Variants in PID1 observed in about 807,000 individuals in gnomAD.
PID1 encodes the protein PTB-containing, cubilin and LRP1-interacting protein.
In PID1, 10 loss-of-function variants were observed where a neutral mutation model predicts 19.1. The observed-to-expected ratio is 0.52, with a 90% CI of 0.32 to 0.89. The LOEUF is 0.89. Among genes scored for constraint, PID1 ranks in the 40% least tolerant of loss-of-function variants. The pLI, the probability that PID1 is intolerant of heterozygous loss-of-function variation, is 0.03. For synonymous variants in PID1, 130 were observed against 116.0 expected (o/e 1.12, Z -0.78); for missense variants, 248 against 285.3 (o/e 0.87, Z 0.94).
In PID1 at chr2:229,230,627, G is replaced by A. The variant is rs543965112; in HGVS notation, c.30+40387C>T. Among the ~76,000 whole-genome samples the A allele has an allele frequency of 3.9e-5, 6 of 152,310 alleles. No individual in the cohort carries two copies. The South Asian group carries it at 1.2e-3, about 32-fold the overall frequency. ...CCTAATGGGATTTAAATCAAAAGAG[G>A]AATTTACTGCCGCCTTTGGGTCTTT... is the stretch of plus-strand genomic sequence containing the variant. On this transcript the variant is annotated intron_variant, in intron 1 of 2. Transcript: ENST00000392055.
At chr2:229,230,917 T>C (rs184585656) in intron 1 of PID1, among the ~76,000 whole-genome samples, 15 of 152,328 alleles carry the variant, frequency 9.8e-5, no homozygotes, top group Non-Finnish European at 1.9e-4. Context: ...TGTTTCTTTA[T>C]TTAACACTAA....
At chr2:229,161,159 C>A (rs370058968) in intron 1 of PID1, among the ~76,000 whole-genome samples, 2 of 152,184 alleles carry the variant, frequency 1.3e-5, no homozygotes, top group Non-Finnish European at 1.5e-5. Flanking sequence ...ACTGGCTGAA[C>A]AGAATGTCCT....
At chr2:229,228,758 AGTT>A (rs1692138463) in intron 1 of PID1, among the ~76,000 whole-genome samples, 1 of 152,162 alleles carries the variant, frequency 6.6e-6, no homozygotes, top group African/African-American at 2.4e-5. Context: ...CCATGTCGGT[AGTT>A]GTTTTCCTGA....
chr2:229,051,763 T>C (rs894170095), intron 2 of PID1, among the ~76,000 whole-genome samples: 1 of 152,216 alleles, frequency 6.6e-6, no homozygotes, highest in Non-Finnish European at 1.5e-5. Context: ...GTCTGCCTCA[T>C]TGTAAAGTCT....
chr2:229,251,790 T>C (rs1354525630), intron 1 of PID1, among the ~76,000 whole-genome samples: 1 of 151,924 alleles, frequency 6.6e-6, no homozygotes. Flanking sequence ...AGTTCTGAGG[T>C]AGACATTCAG....
chr2:229,238,531 T>C (rs149941689), intron 1 of PID1, among the ~76,000 whole-genome samples: 283 of 152,232 alleles, frequency 1.9e-3, no homozygotes, highest in African/African-American at 6.1e-3. Flanking sequence ...CCATAAACAT[T>C]TGTTTGCCTT....
At chr2:229,217,067 G>C (rs541570705) in intron 1 of PID1, among the ~76,000 whole-genome samples, 1 of 152,244 alleles carries the variant, frequency 6.6e-6, no homozygotes, top group African/African-American at 2.4e-5. Flanking sequence ...CACATTCAAG[G>C]CTGCTGGAAT....
chr2:229,098,652 T>C (rs1695018343), intron 2 of PID1, among the ~76,000 whole-genome samples: 1 of 152,190 alleles, frequency 6.6e-6, no homozygotes, highest in South Asian at 2.1e-4. Flanking sequence ...GTGCTGTTCC[T>C]TTCTCAACCC....
chr2:229,235,680 G>A (rs1692309279), intron 1 of PID1, among the ~76,000 whole-genome samples: 1 of 152,176 alleles, frequency 6.6e-6, no homozygotes, highest in South Asian at 2.1e-4. Context: ...AGCAAGGAAA[G>A]GGTGAGCTCA....
chr2:229,078,710 T>C (rs1694611767), intron 2 of PID1, among the ~76,000 whole-genome samples: 1 of 152,290 alleles, frequency 6.6e-6, no homozygotes, highest in Admixed American at 6.5e-5. Flanking sequence ...TTGATTTGCT[T>C]TCTTGTTTTT....
intron 2 of PID1, among the ~76,000 whole-genome samples, chr2:229,064,826 G>C (rs910458388): frequency 6.6e-6 from 1 of 152,086 alleles, no homozygotes; most frequent in African/African-American, 2.4e-5. Flanking sequence ...AAGGAGAAAT[G>C]AAACCTACTT....
At chr2:229,134,687 T>C (rs930497314) in intron 2 of PID1, among the ~76,000 whole-genome samples, 2 of 151,732 alleles carry the variant, frequency 1.3e-5, no homozygotes, top group African/African-American at 2.4e-5. Flanking sequence ...TATCACCTTA[T>C]TTTTTTTTGG....
At chr2:229,049,571 T>G (rs1693949285) in intron 2 of PID1, among the ~76,000 whole-genome samples, 1 of 152,180 alleles carries the variant, frequency 6.6e-6, no homozygotes, top group Admixed American at 6.6e-5. Context: ...CCAACTTGCA[T>G]GTCACCTAGT....
chr2:229,206,365 T>G (rs1691609477), intron 1 of PID1, among the ~76,000 whole-genome samples: 1 of 151,844 alleles, frequency 6.6e-6, no homozygotes, highest in Non-Finnish European at 1.5e-5. Flanking sequence ...CCAAGAGTTA[T>G]CAGGAAAGGG....
chr2:229,251,926 GC>G (rs1690161473), intron 1 of PID1, among the ~76,000 whole-genome samples: 2 of 107,372 alleles, frequency 1.9e-5, no homozygotes, highest in African/African-American at 3.7e-5. Context: ...CAAAGATAAT[GC>G]CCTCTTAACC....
chr2:229,249,803 C>A (rs925512187), intron 1 of PID1, among the ~76,000 whole-genome samples: 4 of 150,198 alleles, frequency 2.7e-5, no homozygotes, highest in Non-Finnish European at 5.9e-5. Flanking sequence ...GAGTATGATC[C>A]CCTGGGCAGG....
chr2:229,221,271 G>A (rs1691964375), intron 1 of PID1, among the ~76,000 whole-genome samples: 1 of 152,130 alleles, frequency 6.6e-6, no homozygotes, highest in African/African-American at 2.4e-5. Context: ...GCCTCTGAAA[G>A]TCCTGAGTAC....
chr2:229,074,005 T>A (rs1176063447), intron 2 of PID1, among the ~76,000 whole-genome samples: 1 of 152,224 alleles, frequency 6.6e-6, no homozygotes, highest in Non-Finnish European at 1.5e-5. Context: ...CCTCCCTGCA[T>A]CATCCAAGTT....
At chr2:229,269,151 T>A (rs1329153090) in intron 1 of PID1, among the ~76,000 whole-genome samples, 3 of 150,808 alleles carry the variant, frequency 2.0e-5, no homozygotes, top group Non-Finnish European at 4.5e-5. Flanking sequence ...CTTCCAACAG[T>A]GACTCGGTCT....
Sources: gnomAD v4.1 joint callset for allele counts (sites outside exome capture counted in the v4.1 genomes callset) on GRCh38, gnomAD v4.1.1 for gene constraint, MANE v1.5 for transcripts, NCBI Gene and HGNC (gene_info 2026-07-23, HGNC 2026-07-21) for gene names.